The following MTURN variants were observed in gnomAD, a reference collection of about 807,000 sequenced individuals.
The protein encoded by MTURN is maturin.
In MTURN, 7 loss-of-function variants were observed where a neutral mutation model predicts 14.9. That is an observed-to-expected ratio of 0.47 (90% CI 0.27 to 0.88). MTURN has a LOEUF of 0.88. MTURN is among the 40% of genes least tolerant of loss of function. The pLI, the probability that MTURN is intolerant of heterozygous loss-of-function variation, is 0.14. For missense variants in MTURN, 151 were observed against 174.1 expected, an observed-to-expected ratio of 0.87 and a Z score of 0.75; for synonymous variants, 69 against 72.5, an observed-to-expected ratio of 0.95 and a Z score of 0.25.
intron 1 of MTURN, among the ~76,000 whole-genome samples, chr7:30,136,034 C>T (rs1053028614): frequency 6.6e-6 from 1 of 151,426 alleles, no homozygotes; most frequent in African/African-American, 2.4e-5. Flanking sequence ...ACACGCGGCA[C>T]GCCTCTCCCC....
chr7:30,143,578 C>CT (rs545709523), intron 1 of MTURN, among the ~76,000 whole-genome samples: 25 of 152,288 alleles, frequency 1.6e-4, no homozygotes, highest in African/African-American at 5.8e-4. Context: ...CCATGCCACT[C>CT]TATCATGTGG....
At chr7:30,148,203 T>A (rs927068527) in intron 2 of MTURN, among the ~76,000 whole-genome samples, 2 of 152,092 alleles carry the variant, frequency 1.3e-5, no homozygotes, top group African/African-American at 4.8e-5. Flanking sequence ...AAGGTAACAT[T>A]TGAGGAAAAA....
intron 2 of MTURN, among the ~76,000 whole-genome samples, chr7:30,152,347 G>A (rs939003655): frequency 6.6e-6 from 1 of 152,074 alleles, no homozygotes; most frequent in Non-Finnish European, 1.5e-5. Context: ...CATACCGCCA[G>A]CATCATAATC....
In MTURN at chr7:30,159,685, A is replaced by G. The variant is rs972666010; in HGVS notation, c.*2137A>G. On this transcript the variant is annotated 3_prime_UTR_variant, in exon 3 of 3. Transcript: ENST00000324453. ...GCACCAGGGGTAGGAAACAGAGAAC[A>G]TGTCTGTATGTTACTTAATCTCCAT... 6.5e-6 allele frequency: 1 copy of G among 152,678 alleles called. No homozygotes were observed. Among genetic ancestry groups the G allele is most frequent in the Non-Finnish European group, 1.5e-5 (1 of 68,042 alleles). 9.5% of individuals were successfully genotyped at this position (152,678 alleles called of 1,614,324 possible).
At chr7:30,146,063 G>C (rs1797124160) in intron 1 of MTURN, 114 bp from the exon 2 acceptor site, 2 of 1,596,712 alleles carry the variant, frequency 1.3e-6, no homozygotes, top group Non-Finnish European at 1.7e-6. Flanking sequence ...GTAGAATGGA[G>C]GCCTTCTTCA....
intron 1 of MTURN, among the ~76,000 whole-genome samples, chr7:30,136,049 CCCCGCGCTG>C (rs1272710230): frequency 1.3e-5 from 2 of 152,256 alleles, no homozygotes; most frequent in Non-Finnish European, 2.9e-5. Context: ...CTCCCCCTGC[CCCCGCGCTG>C]CCCTCGCTGC....
At chr7:30,141,979 A>G (rs1200308075) in intron 1 of MTURN, among the ~76,000 whole-genome samples, 2 of 151,954 alleles carry the variant, frequency 1.3e-5, no homozygotes, top group Non-Finnish European at 2.9e-5. Flanking sequence ...CTCCCCTGCC[A>G]CCCCCACCCT....
At position 30,158,507 on chromosome 7, in the gene MTURN, T is replaced by TG. The variant is rs560853792; in HGVS notation, c.*959_*960insG. On this transcript the variant is annotated 3_prime_UTR_variant, in exon 3 of 3. Coordinates refer to ENST00000324453, the MANE Select transcript of MTURN (RefSeq NM_152793.3). ...TTCTTTACTTTTTAAGTCTTTTATT[T>TG]AAAAAAAAAAAGTCAAAAAAAGGAT... 1.3e-5 allele frequency: 2 copies of TG among 148,744 alleles called. No homozygotes were observed. The highest frequency in any genetic ancestry group is 2.5e-5 in the African/African-American group (1 of 40,554). 9.2% of individuals were successfully genotyped at this position (148,744 alleles called of 1,614,324 possible). A position where few individuals can be genotyped will look rare whatever the true frequency, so the allele number is the denominator to read the frequency against.
intron 1 of MTURN, among the ~76,000 whole-genome samples, chr7:30,138,784 C>T (rs1174741107): frequency 6.6e-6 from 1 of 152,206 alleles, no homozygotes; most frequent in East Asian, 1.9e-4. Context: ...ACCCTGGCCC[C>T]AAGCCCCCAC....
intron 2 of MTURN, among the ~76,000 whole-genome samples, chr7:30,151,686 TC>T (rs1436404524): frequency 6.6e-6 from 1 of 152,138 alleles, no homozygotes; most frequent in African/African-American, 2.4e-5. Context: ...GGGTCCTGAG[TC>T]CCCTATTGCT....
intron 1 of MTURN, among the ~76,000 whole-genome samples, chr7:30,139,506 T>C (rs1476767613): frequency 6.6e-6 from 1 of 152,192 alleles, no homozygotes; most frequent in Non-Finnish European, 1.5e-5. Flanking sequence ...GGAGTGCTTC[T>C]TATTGGGCCT....
rs530268799 is a variant in MTURN at position 30,146,017 on chromosome 7, C to T, written c.163-160C>T. 56 of 1,557,358 alleles carry T rather than the reference C, an allele frequency of 3.6e-5. No homozygotes were observed. The East Asian group carries it at 5.7e-4, about 16-fold the overall frequency. ...TTAGACATTTTTTCTTCCCTTTCAA[C>T]GCAAACAAATCAAGAACGCATGTAT... On this transcript the variant is annotated intron_variant, in intron 1 of 2. Coordinates refer to ENST00000324453, the MANE Select transcript of MTURN (RefSeq NM_152793.3).
chr7:30,157,669 C>A lies in MTURN; in HGVS notation c.*121C>A. On this transcript the variant is annotated 3_prime_UTR_variant, in exon 3 of 3. Coordinates refer to ENST00000324453, the MANE Select transcript of MTURN (RefSeq NM_152793.3). ...AATAGGACATCTGGCTCCCAGCATC[C>A]AAATTAAAATGAAATACCTTTTTAA... is the stretch of plus-strand genomic sequence containing the variant. 1.7e-6 allele frequency: 1 copy of A among 588,614 alleles called. No individual in the cohort carries two copies. Among genetic ancestry groups the A allele is most frequent in the Non-Finnish European group, 2.8e-6 (1 of 353,372 alleles). 36.5% of individuals were successfully genotyped at this position (588,614 alleles called of 1,614,324 possible). A position where few individuals can be genotyped will look rare whatever the true frequency, so the allele number is the denominator to read the frequency against.
chr7:30,136,402 C>T (rs1796962050), intron 1 of MTURN, among the ~76,000 whole-genome samples: 1 of 152,180 alleles, frequency 6.6e-6, no homozygotes. Flanking sequence ...ATGGAGGCGG[C>T]CGTGGGCGCG....
intron 1 of MTURN, among the ~76,000 whole-genome samples, chr7:30,139,277 G>A (rs908140668): frequency 6.6e-6 from 1 of 152,154 alleles, no homozygotes; most frequent in Admixed American, 6.5e-5. Flanking sequence ...GCTGCTCTCG[G>A]CACTTTACAT....
intron 2 of MTURN, among the ~76,000 whole-genome samples, chr7:30,155,357 A>G (rs1797271427): frequency 6.6e-6 from 1 of 152,220 alleles, no homozygotes; most frequent in African/African-American, 2.4e-5. Flanking sequence ...GTTACCACTT[A>G]TTTGACACTT....
intron 2 of MTURN, among the ~76,000 whole-genome samples, chr7:30,150,729 C>A (rs1329770948): frequency 6.6e-6 from 1 of 152,174 alleles, no homozygotes; most frequent in African/African-American, 2.4e-5. Flanking sequence ...TAGACGTGCT[C>A]AGAGCAGGGG....
chr7:30,157,524 C>G lies in MTURN; in HGVS notation c.372C>G (p.Pro124=). Residue 124 remains proline (P), a synonymous_variant, in exon 3 of 3, where the codon CCC becomes CCG. Transcript: ENST00000324453. ...VEEEEPEADH[P]QMGVSQQ is the part of the protein sequence containing the mutation. The stretch of plus-strand genomic sequence containing the variant: ...AAGAGGAGCCAGAGGCGGACCACCC[C>G]CAGATGGGGGTCAGCCAGCAGTAAA... The G allele has an allele frequency of 6.2e-7, 1 of 1,603,044 alleles. No homozygotes were observed. Among genetic ancestry groups the G allele is most frequent in the Non-Finnish European group, 8.5e-7 (1 of 1,175,354 alleles).
At chr7:30,152,198 C>CT (rs34815184) in intron 2 of MTURN, among the ~76,000 whole-genome samples, 8,850 of 144,786 alleles carry the variant, frequency 0.061, 340 homozygotes, top group Admixed American at 0.097. Flanking sequence ...AAACCATTCT[C>CT]TTTTTTAGAG....
Sources: gnomAD v4.1 joint callset for allele counts (sites outside exome capture counted in the v4.1 genomes callset) on GRCh38, gnomAD v4.1.1 for gene constraint, MANE v1.5 for transcripts, NCBI Gene and HGNC (gene_info 2026-07-23, HGNC 2026-07-21) for gene names.